EXOC4: variants seen among roughly 807,000 people sequenced by gnomAD.
EXOC4 encodes exocyst complex component 4.
A neutral mutation model predicts 107.2 loss-of-function variants in EXOC4; 71 were observed. The ratio of observed to expected loss-of-function variants is 0.66; its 90% CI spans 0.55 to 0.81. EXOC4 has a LOEUF of 0.81. EXOC4 is among the 30% of genes least tolerant of loss of function. The probability of loss-of-function intolerance (pLI) is 0.00; values close to 1 mark genes in which losing one functional copy is unlikely to be tolerated. For missense variants in EXOC4, 1,108 were observed against 1,189.6 expected (o/e 0.93, Z 1.01); for synonymous variants, 456 against 441.2 (o/e 1.03, Z -0.42).
intron 14 of EXOC4, among the ~76,000 whole-genome samples, chr7:133,951,359 G>A (rs1251808040): frequency 2.0e-5 from 3 of 152,202 alleles, no homozygotes; most frequent in African/African-American, 4.8e-5. Context: ...GTTATTTGGA[G>A]GCTAAGGTCA....
At chr7:133,484,413 G>A (rs1301213702) in intron 9 of EXOC4, among the ~76,000 whole-genome samples, 2 of 152,256 alleles carry the variant, frequency 1.3e-5, no homozygotes, top group East Asian at 1.9e-4. Flanking sequence ...ATTGTACTTA[G>A]CAGTGCTGGG....
intron 17 of EXOC4, among the ~76,000 whole-genome samples, chr7:134,028,856 T>G (rs1795204950): frequency 2.0e-5 from 3 of 152,240 alleles, no homozygotes; most frequent in Admixed American, 6.5e-5. Context: ...ATCTTCTTTT[T>G]CTCACTTTTT....
intron 10 of EXOC4, among the ~76,000 whole-genome samples, chr7:133,755,589 G>A (rs926728869): frequency 9.2e-5 from 14 of 151,440 alleles, no homozygotes; most frequent in Non-Finnish European, 1.5e-4. Context: ...TGATCCACCC[G>A]CCTCAGCATC....
In EXOC4 at chr7:133,828,571, A is replaced by G. The variant is rs1240024373; in HGVS notation, c.1734+11027A>G. Among the ~76,000 whole-genome samples, 4 of 152,288 alleles carry G rather than the reference A, an allele frequency of 2.6e-5. No individual in the cohort carries two copies. In the East Asian group the frequency reaches 5.8e-4, roughly 22 times the overall value. On this transcript the variant is annotated intron_variant, in intron 11 of 17. Transcript: ENST00000253861. ...ATCTCAGCTTCAAAGTTTAATGGCCATTTAAGATTAACATTTCAAGTAAAG... is the reference window on the plus strand; with the variant it reads ...ATCTCAGCTTCAAAGTTTAATGGCCGTTTAAGATTAACATTTCAAGTAAAG...
At chr7:134,011,947 A>G (rs1794776009) in intron 17 of EXOC4, among the ~76,000 whole-genome samples, 1 of 152,126 alleles carries the variant, frequency 6.6e-6, no homozygotes, top group South Asian at 2.1e-4. Flanking sequence ...GCAGCTATCT[A>G]GGGAAAGAGC....
At chr7:133,895,274 G>A (rs895042574) in intron 11 of EXOC4, 2 of 184,086 alleles carry the variant, frequency 1.1e-5, no homozygotes, top group Admixed American at 1.1e-4. Context: ...GCAATGCCTC[G>A]CCCTGCTTCG....
intron 11 of EXOC4, among the ~76,000 whole-genome samples, chr7:133,870,274 A>T (rs925988329): frequency 2.6e-5 from 4 of 152,216 alleles, no homozygotes; most frequent in African/African-American, 7.2e-5. Context: ...TCAAGTGACA[A>T]AAATTTTTAA....
intron 10 of EXOC4, among the ~76,000 whole-genome samples, chr7:133,709,946 CAT>C (rs1374025572): frequency 1.3e-5 from 2 of 152,164 alleles, no homozygotes; most frequent in Admixed American, 6.5e-5. Flanking sequence ...TATTATTACA[CAT>C]ATGTTATTAC....
chr7:133,575,303 A>G (rs948898334), intron 9 of EXOC4, among the ~76,000 whole-genome samples: 15 of 152,126 alleles, frequency 9.9e-5, no homozygotes, highest in African/African-American at 3.4e-4. Flanking sequence ...TTTATTTACC[A>G]TGGTGGTGAT....
chr7:133,335,182 GT>G (rs1018557463), intron 5 of EXOC4, among the ~76,000 whole-genome samples: 59 of 152,190 alleles, frequency 3.9e-4, no homozygotes, highest in African/African-American at 1.4e-3. Flanking sequence ...GGATCTTTTT[GT>G]TTATAGCTTA....
intron 7 of EXOC4, among the ~76,000 whole-genome samples, chr7:133,441,779 A>T (rs1728332086): frequency 1.3e-5 from 2 of 152,174 alleles, no homozygotes; most frequent in African/African-American, 4.8e-5. Flanking sequence ...CTTGCAAATG[A>T]TACAGTGGGG....
chr7:133,885,023 T>C (rs906949191), intron 11 of EXOC4, among the ~76,000 whole-genome samples: 1 of 152,064 alleles, frequency 6.6e-6, no homozygotes, highest in Non-Finnish European at 1.5e-5. Flanking sequence ...GGAATTAAGA[T>C]ACAGCATAGT....
chr7:134,050,153 T>G (rs1265262952), intron 17 of EXOC4, among the ~76,000 whole-genome samples: 1 of 152,168 alleles, frequency 6.6e-6, no homozygotes, highest in Non-Finnish European at 1.5e-5. Flanking sequence ...ATAAAATATA[T>G]TTGGAAGGAT....
intron 14 of EXOC4, among the ~76,000 whole-genome samples, chr7:133,992,049 T>C (rs975197418): frequency 6.6e-6 from 1 of 152,202 alleles, no homozygotes; most frequent in African/African-American, 2.4e-5. Context: ...TTTGGTACTA[T>C]AGACATTTCA....
intron 4 of EXOC4, among the ~76,000 whole-genome samples, chr7:133,307,093 A>G (rs545504279): frequency 1.3e-5 from 2 of 152,342 alleles, no homozygotes; most frequent in Non-Finnish European, 2.9e-5. Flanking sequence ...ATTCAGATAT[A>G]GACAAGAAGA....
At chr7:133,604,005 AT>A (rs34739251) in intron 9 of EXOC4, among the ~76,000 whole-genome samples, 89,957 of 145,880 alleles carry the variant, frequency 0.62, 27,994 homozygotes, top group South Asian at 0.71. Flanking sequence ...TAATTTCAGA[AT>A]TTTTTTTTTT....
chr7:133,606,514 A>ATTG (rs1412133574), intron 9 of EXOC4, among the ~76,000 whole-genome samples: 2 of 142,878 alleles, frequency 1.4e-5, no homozygotes, highest in Non-Finnish European at 3.1e-5. Flanking sequence ...TATTATTATT[A>ATTG]TTATTTTTTT....
At chr7:134,006,594 GGAGCCATGGA>G (rs754476898) in intron 16 of EXOC4, among the ~76,000 whole-genome samples, 3 of 151,938 alleles carry the variant, frequency 2.0e-5, no homozygotes, top group Non-Finnish European at 4.4e-5. Context: ...GAAGACATGG[GGAGCCATGGA>G]CCTAAAGATA....
intron 1 of EXOC4, among the ~76,000 whole-genome samples, chr7:133,273,831 A>T (rs1793928578): frequency 6.6e-6 from 1 of 152,154 alleles, no homozygotes; most frequent in East Asian, 1.9e-4. Context: ...CTTATAATTG[A>T]TGGCATCCAT....
Sources: allele counts gnomAD v4.1 joint callset (sites outside exome capture counted in the v4.1 genomes callset), GRCh38; gene constraint gnomAD v4.1.1; transcripts MANE v1.5; gene names NCBI Gene and HGNC (gene_info 2026-07-23, HGNC 2026-07-21).